The following EPHA3 variants were observed in gnomAD, a reference collection of about 807,000 sequenced individuals.
EPHA3 encodes EPH receptor A3, also known as ephrin type-A receptor 3.
Under a neutral mutation model 107.1 loss-of-function variants are expected in EPHA3, and 42 were observed. That is an observed-to-expected ratio of 0.39 (90% confidence interval 0.31 to 0.51). EPHA3 has a LOEUF of 0.51. Ranked by LOEUF, EPHA3 falls within the 20% of genes least tolerant of loss-of-function variation. EPHA3 has a pLI of 0.78. For missense variants in EPHA3, 1,183 were observed against 1,211.2 expected, an observed-to-expected ratio of 0.98 and a Z score of 0.35; for synonymous variants, 461 against 424.8, an observed-to-expected ratio of 1.09 and a Z score of -1.05.
At chr3:89,460,571 T>TTTCATTACTAATGAAAATAA (rs1710204966) in intron 15 of EPHA3, among the ~76,000 whole-genome samples, 1 of 149,608 alleles carries the variant, frequency 6.7e-6, no homozygotes, top group Non-Finnish European at 1.5e-5. Flanking sequence ...AATAAACAAG[T>TTTCATTACTAATGAAAATAA]ATTAGTAAAA....
chr3:89,451,643 C>T (rs1709992245), intron 15 of EPHA3, among the ~76,000 whole-genome samples: 1 of 152,106 alleles, frequency 6.6e-6, no homozygotes. Context: ...TCAATAGTAT[C>T]TTGATTGGTA....
At chr3:89,330,824 T>A (rs1224082585) in intron 3 of EPHA3, among the ~76,000 whole-genome samples, 1 of 152,182 alleles carries the variant, frequency 6.6e-6, no homozygotes, top group Admixed American at 6.6e-5. Flanking sequence ...AAGTGCTATC[T>A]TCTGTATACA....
intron 15 of EPHA3, among the ~76,000 whole-genome samples, chr3:89,468,495 C>T (rs1384604963): frequency 1.3e-5 from 2 of 152,132 alleles, no homozygotes; most frequent in African/African-American, 4.8e-5. Flanking sequence ...AATAAATGTC[C>T]TGGGGTTTGA....
intron 5 of EPHA3, among the ~76,000 whole-genome samples, chr3:89,346,126 T>C (rs1299085317): frequency 5.1e-5 from 6 of 116,822 alleles, no homozygotes; most frequent in Non-Finnish European, 9.1e-5. Flanking sequence ...CCTTTGGGTA[T>C]ATACCCAGTA....
intron 1 of EPHA3, among the ~76,000 whole-genome samples, chr3:89,122,560 A>G (rs184363243): frequency 1.9e-4 from 29 of 151,826 alleles, no homozygotes; most frequent in African/African-American, 6.3e-4. Flanking sequence ...TGTGGCATTT[A>G]ATTTTAAAAA....
chr3:89,259,700 C>T lies in EPHA3; in HGVS notation c.814+49180C>T, dbSNP rs545590497. ...TTTTAAACACAGAAGCTAACATCTACTTATTTAACAAAAATTTCTAATACA... is the reference window on the plus strand; with the variant it reads ...TTTTAAACACAGAAGCTAACATCTATTTATTTAACAAAAATTTCTAATACA... On this transcript the variant is annotated intron_variant, in intron 3 of 16. Coordinates refer to ENST00000336596, the MANE Select transcript of EPHA3 (RefSeq NM_005233.6). Among the ~76,000 whole-genome samples, 14 of 152,274 alleles carry T rather than the reference C, an allele frequency of 9.2e-5. No individual in the cohort carries two copies. The South Asian group carries it at 2.9e-3, about 32-fold the overall frequency.
At chr3:89,442,468 T>A (rs182485376) in intron 13 of EPHA3, among the ~76,000 whole-genome samples, 5 of 152,292 alleles carry the variant, frequency 3.3e-5, no homozygotes, top group African/African-American at 1.2e-4. Context: ...CAGAAGATAC[T>A]TGGTATTGTC....
rs544882584 is a variant in EPHA3 at position 89,114,885 on chromosome 3, G to T, written c.88+7049G>T. 1.6e-3 allele frequency among the ~76,000 whole-genome samples: 245 copies of T among 152,308 alleles called. 1 individual carries two copies. The highest frequency in any genetic ancestry group is 5.5e-3 in the African/African-American group (229 of 41,562). On this transcript the variant is annotated intron_variant, in intron 1 of 16. Transcript: ENST00000336596. The stretch of plus-strand genomic sequence containing the variant: ...AGACGCCAGAGAGTCCATGCGCCTT[G>T]GACGGGCCTGGCAGGTCCTGACCTG...
Position 89,316,505 on chromosome 3 carries a change from A to AATATATATAT in EPHA3, c.815-24385_815-24376dup, listed in dbSNP as rs58576798. Among the ~76,000 whole-genome samples, 551 of 104,082 alleles carry AATATATATAT rather than the reference A, an allele frequency of 5.3e-3. 4 individuals are homozygous for AATATATATAT. Among genetic ancestry groups the AATATATATAT allele is most frequent in the Admixed American group, 0.011 (97 of 8,936 alleles). 68.3% of individuals were successfully genotyped at this position (104,082 alleles called of 152,430 possible). ...TGTGTGTGTGTGTGTGTGTGTGTGT[A>AATATATATAT]ATATATATATATATATATATATATA... On this transcript the variant is annotated intron_variant, in intron 3 of 16. Coordinates refer to ENST00000336596, the MANE Select transcript of EPHA3 (RefSeq NM_005233.6).
chr3:89,311,729 G>T (rs1706771230), intron 3 of EPHA3, among the ~76,000 whole-genome samples: 1 of 151,946 alleles, frequency 6.6e-6, no homozygotes. Flanking sequence ...GCCAGCTCTG[G>T]AATTGTTTAT....
intron 15 of EPHA3, among the ~76,000 whole-genome samples, chr3:89,460,832 T>C (rs1309468890): frequency 7.1e-6 from 1 of 140,606 alleles, no homozygotes; most frequent in African/African-American, 2.7e-5. Context: ...TCTTTTTTTT[T>C]TTTTTTATTA....
At chr3:89,475,063 CCTT>C (rs1710480518) in intron 16 of EPHA3, among the ~76,000 whole-genome samples, 2 of 152,262 alleles carry the variant, frequency 1.3e-5, no homozygotes, top group Middle Eastern at 3.4e-3. Context: ...CCCTAACACT[CCTT>C]CTTGAAAGGA....
intron 3 of EPHA3, among the ~76,000 whole-genome samples, chr3:89,227,424 A>T (rs1003013272): frequency 6.6e-6 from 1 of 152,072 alleles, no homozygotes; most frequent in East Asian, 1.9e-4. Context: ...CTAATCCCTC[A>T]TGGATGAATC....
intron 5 of EPHA3, among the ~76,000 whole-genome samples, chr3:89,359,429 A>T (rs1331365943): frequency 6.6e-6 from 1 of 150,712 alleles, no homozygotes; most frequent in African/African-American, 2.4e-5. Context: ...CCACTATTTT[A>T]TCTATGTTAA....
Position 89,263,573 on chromosome 3 carries a change from C to A in EPHA3, c.814+53053C>A, listed in dbSNP as rs187852522. ...TAGGTAATCTTCCCCTGAAGTCTGG[C>A]CATCTCGGGCCAGATTCATTTCTGA... On this transcript the variant is annotated intron_variant, in intron 3 of 16. Coordinates refer to ENST00000336596, the MANE Select transcript of EPHA3 (RefSeq NM_005233.6). Among the ~76,000 whole-genome samples, 3 of 152,240 alleles carry A rather than the reference C, an allele frequency of 2.0e-5. No individual in the cohort carries two copies. In the East Asian group the frequency reaches 5.8e-4, roughly 30 times the overall value.
At chr3:89,476,639 G>T (rs547663103) in intron 16 of EPHA3, among the ~76,000 whole-genome samples, 2 of 134,638 alleles carry the variant, frequency 1.5e-5, no homozygotes, top group Non-Finnish European at 3.2e-5. Context: ...GCGGATTCTC[G>T]CTCTGTCGCC....
At chr3:89,158,911 C>T (rs1253707097) in intron 2 of EPHA3, among the ~76,000 whole-genome samples, 2 of 152,018 alleles carry the variant, frequency 1.3e-5, no homozygotes, top group South Asian at 2.1e-4. Context: ...AGAAAAAATT[C>T]CTATGCATGT....
chr3:89,417,283 C>G (rs960979925), intron 10 of EPHA3, among the ~76,000 whole-genome samples: 1 of 151,368 alleles, frequency 6.6e-6, no homozygotes, highest in African/African-American at 2.4e-5. Flanking sequence ...GAATTGGACC[C>G]GAAGCAATTC....
intron 3 of EPHA3, among the ~76,000 whole-genome samples, chr3:89,259,116 T>C (rs917144839): frequency 6.6e-5 from 10 of 152,228 alleles, no homozygotes; most frequent in African/African-American, 2.4e-4. Flanking sequence ...TTACAAATTC[T>C]GTAGTCTAAA....
Sources: gnomAD v4.1 joint callset for allele counts (sites outside exome capture counted in the v4.1 genomes callset) on GRCh38, gnomAD v4.1.1 for gene constraint, MANE v1.5 for transcripts, NCBI Gene and HGNC (gene_info 2026-07-23, HGNC 2026-07-21) for gene names.